ASAP2: variants seen among roughly 807,000 people sequenced by gnomAD.
The protein encoded by ASAP2 is arf-GAP with SH3 domain, ANK repeat and PH domain-containing protein 2.
In ASAP2, 45 loss-of-function variants were observed where a neutral mutation model predicts 131.4. That is an observed-to-expected ratio of 0.34 (90% CI 0.27 to 0.44). The LOEUF (loss-of-function observed/expected upper bound fraction) is 0.44, where lower values mean the gene tolerates loss of function less well. Among genes scored for constraint, ASAP2 ranks in the 20% least tolerant of loss-of-function variants. ASAP2 has a pLI of 1.00. For synonymous variants in ASAP2, 510 were observed against 503.0 expected (o/e 1.01, Z -0.19); for missense variants, 1,011 against 1,297.0 (o/e 0.78, Z 3.39).
At chr2:9,356,814 T>C (rs1206105857) in intron 14 of ASAP2, among the ~76,000 whole-genome samples, 1 of 152,216 alleles carries the variant, frequency 6.6e-6, no homozygotes, top group Non-Finnish European at 1.5e-5. Flanking sequence ...GATTTTCCTG[T>C]CTGTAAAGTG....
At chr2:9,342,941 C>T (rs1671686362) in intron 9 of ASAP2, among the ~76,000 whole-genome samples, 1 of 152,210 alleles carries the variant, frequency 6.6e-6, no homozygotes, top group Admixed American at 6.5e-5. Context: ...TCGCTTTTTC[C>T]TGTGCTTTTC....
At chr2:9,274,202 C>A (rs138817502) in intron 1 of ASAP2, among the ~76,000 whole-genome samples, 1 of 151,780 alleles carries the variant, frequency 6.6e-6, no homozygotes. Flanking sequence ...AAGGCTAATT[C>A]AACTTCATCC....
At chr2:9,371,839 G>A (rs1259413606) in intron 16 of ASAP2, among the ~76,000 whole-genome samples, 1 of 152,064 alleles carries the variant, frequency 6.6e-6, no homozygotes, top group African/African-American at 2.4e-5. Context: ...AGGGAGGGCC[G>A]GGCGCGGTGG....
chr2:9,403,050 C>G (rs960643205), intron 27 of ASAP2, among the ~76,000 whole-genome samples: 1 of 152,198 alleles, frequency 6.6e-6, no homozygotes, highest in East Asian at 1.9e-4. Context: ...GAGCTCCTTA[C>G]ACGGGAGAGG....
intron 24 of ASAP2, among the ~76,000 whole-genome samples, chr2:9,397,225 C>G (rs920100879): frequency 6.6e-6 from 1 of 152,156 alleles, no homozygotes; most frequent in South Asian, 2.1e-4. Flanking sequence ...AAACAAATCA[C>G]GTGTTGAAGT....
At chr2:9,380,677 C>A in intron 19 of ASAP2, 64 bp from the exon 20 acceptor site, 1 of 1,468,792 alleles carries the variant, frequency 6.8e-7, no homozygotes, top group South Asian at 1.1e-5. Context: ...TAAAAATTGT[C>A]CTGGATGTCA....
At chr2:9,252,239 A>C (rs1406048044) in intron 1 of ASAP2, among the ~76,000 whole-genome samples, 1 of 152,212 alleles carries the variant, frequency 6.6e-6, no homozygotes, top group African/African-American at 2.4e-5. Context: ...GCAGATGACA[A>C]CTGAGAGTAA....
Position 9,392,953 on chromosome 2 carries a change from G to A in ASAP2, c.2519-529G>A, listed in dbSNP as rs1008201787. ...TCCGTGGGCCTCAGCCTCCTTGTCT[G>A]TAAAACGTAGACACTAAGAAAGCTC... On this transcript the variant is annotated intron_variant, in intron 23 of 27. Coordinates refer to ENST00000281419, the MANE Select transcript of ASAP2 (RefSeq NM_003887.3). The surrounding 1 kb of genome is among the most constrained non-coding windows in gnomAD (Gnocchi z 4.0). Among the ~76,000 whole-genome samples the A allele has an allele frequency of 6.6e-6, 1 of 152,188 alleles. No individual in the cohort carries two copies. The highest frequency in any genetic ancestry group is 1.5e-5 in the Non-Finnish European group (1 of 68,040).
intron 1 of ASAP2, among the ~76,000 whole-genome samples, chr2:9,235,820 G>T (rs1240595662): frequency 6.6e-6 from 1 of 152,170 alleles, no homozygotes; most frequent in African/African-American, 2.4e-5. Flanking sequence ...GGAGAACTTG[G>T]TTGGTGGATG....
At chr2:9,370,579 T>G (rs1673870752) in intron 16 of ASAP2, among the ~76,000 whole-genome samples, 1 of 152,160 alleles carries the variant, frequency 6.6e-6, no homozygotes, top group Admixed American at 6.5e-5. Context: ...TCTCTGAGCC[T>G]AAGCTCTGTA....
chr2:9,397,269 T>C (rs749117227), intron 24 of ASAP2, among the ~76,000 whole-genome samples: 18 of 152,332 alleles, frequency 1.2e-4, no homozygotes, highest in Middle Eastern at 3.4e-3. Flanking sequence ...CCAGCAGTTA[T>C]TGGGACTCTG....
intron 8 of ASAP2, 51 bp downstream of exon 8, chr2:9,334,864 C>T (rs1471096032): frequency 1.9e-6 from 3 of 1,546,854 alleles, no homozygotes; most frequent in South Asian, 2.3e-5. Context: ...ATGCAACAGA[C>T]ATTTTCATCT....
At chr2:9,286,874 A>T (rs1667502330) in intron 2 of ASAP2, among the ~76,000 whole-genome samples, 1 of 152,252 alleles carries the variant, frequency 6.6e-6, no homozygotes, top group South Asian at 2.1e-4. Flanking sequence ...AAATGATGAT[A>T]AAGAATATTT....
chr2:9,275,052 C>T (rs963329795), intron 1 of ASAP2, among the ~76,000 whole-genome samples: 18 of 150,572 alleles, frequency 1.2e-4, no homozygotes, highest in African/African-American at 4.2e-4. Flanking sequence ...CCACCGCTTC[C>T]AGTCCCATGT....
intron 6 of ASAP2, among the ~76,000 whole-genome samples, chr2:9,324,910 C>T (rs918085655): frequency 1.3e-4 from 20 of 152,212 alleles, no homozygotes; most frequent in African/African-American, 4.1e-4. Context: ...AATCCATTAA[C>T]GTTGAATGTT....
intron 16 of ASAP2, among the ~76,000 whole-genome samples, chr2:9,369,511 T>C (rs1673765846): frequency 6.6e-6 from 1 of 152,116 alleles, no homozygotes; most frequent in South Asian, 2.1e-4. Flanking sequence ...CTCTTATGTC[T>C]ATAGGGGGAC....
intron 2 of ASAP2, among the ~76,000 whole-genome samples, chr2:9,296,531 G>A (rs1668161705): frequency 6.6e-6 from 1 of 152,350 alleles, no homozygotes; most frequent in South Asian, 2.1e-4. Flanking sequence ...TAAGCACCTG[G>A]TATGTTTTTT....
chr2:9,302,837 T>C (rs1366696747), intron 3 of ASAP2, among the ~76,000 whole-genome samples: 1 of 152,116 alleles, frequency 6.6e-6, no homozygotes, highest in African/African-American at 2.4e-5. Flanking sequence ...ATAGCTAACC[T>C]TACTAGGGAG....
Position 9,388,430 on chromosome 2 carries a change from GC to G in ASAP2, c.2268del (p.Ser756ArgfsTer12), listed in dbSNP as rs1160145244. ...GAGAAGCAGAGGGCTTTCATGCCCA[GC>G]ATCTTGCAGAATGAGACTTACGGAG... ...AKEKQRAFMP[S>X]ILQNETYGAL... On this transcript the variant is annotated frameshift_variant, in exon 22 of 28. Transcript: ENST00000281419. LOFTEE classifies it high-confidence loss of function. 1 of 1,614,046 alleles carries G rather than the reference GC, an allele frequency of 6.2e-7. No homozygotes were observed. Among genetic ancestry groups the G allele is most frequent in the Non-Finnish European group, 8.5e-7 (1 of 1,180,024 alleles).
Sources: gnomAD v4.1 joint callset for allele counts (sites outside exome capture counted in the v4.1 genomes callset) on GRCh38, gnomAD v4.1.1 for gene constraint, Gnocchi (gnomAD v3.1) non-coding constraint, MANE v1.5 for transcripts, NCBI Gene and HGNC (gene_info 2026-07-23, HGNC 2026-07-21) for gene names.